RAPGEF5: variants seen among roughly 807,000 people sequenced by gnomAD.
RAPGEF5 encodes the protein M-Ras-regulated GEF.
RAPGEF5 carries 65 observed loss-of-function variants against 125.2 expected under a neutral mutation model. The observed-to-expected ratio is 0.52, with a 90% CI of 0.43 to 0.64. The LOEUF (loss-of-function observed/expected upper bound fraction) is 0.64. Among genes scored for constraint, RAPGEF5 ranks in the 30% least tolerant of loss-of-function variants. The pLI is 0.00. For synonymous variants in RAPGEF5, 391 were observed against 385.9 expected, an observed-to-expected ratio of 1.01 and a Z score of -0.16; for missense variants, 958 against 1,048.1, an observed-to-expected ratio of 0.91 and a Z score of 1.19.
intron 5 of RAPGEF5, among the ~76,000 whole-genome samples, chr7:22,298,217 G>C (rs1583558946): frequency 1.5e-5 from 2 of 137,184 alleles, no homozygotes; most frequent in Non-Finnish European, 3.1e-5. Flanking sequence ...CACTCTTGTT[G>C]CCCAGGCTGG....
chr7:22,195,227 G>C (rs1785119699), intron 9 of RAPGEF5, among the ~76,000 whole-genome samples: 1 of 152,072 alleles, frequency 6.6e-6, no homozygotes, highest in Non-Finnish European at 1.5e-5. Context: ...TTATTAATTG[G>C]TTCTACAGGC....
At chr7:22,351,464 T>C (rs986753406) in intron 1 of RAPGEF5, among the ~76,000 whole-genome samples, 3 of 152,156 alleles carry the variant, frequency 2.0e-5, no homozygotes, top group African/African-American at 7.2e-5. Context: ...CTAAAGTTAA[T>C]TCAGAGCATG....
intron 24 of RAPGEF5, among the ~76,000 whole-genome samples, chr7:22,128,020 T>G (rs982408039): frequency 6.6e-6 from 1 of 152,180 alleles, no homozygotes; most frequent in Non-Finnish European, 1.5e-5. Context: ...TTACCACTTT[T>G]CCCAGGTCAG....
chr7:22,193,806 G>A (rs1263102636), intron 10 of RAPGEF5, 109 bp downstream of exon 10: 2 of 1,610,360 alleles, frequency 1.2e-6, no homozygotes, highest in Non-Finnish European at 1.7e-6. Flanking sequence ...AAGAGAGGGA[G>A]GGAGGGTAGA....
intron 7 of RAPGEF5, among the ~76,000 whole-genome samples, chr7:22,238,026 A>C (rs1038849596): frequency 9.2e-5 from 14 of 152,196 alleles, no homozygotes; most frequent in African/African-American, 3.4e-4. Context: ...GGCATAAACA[A>C]ACGTAAACTG....
chr7:22,168,449 T>C (rs537668029), intron 11 of RAPGEF5, among the ~76,000 whole-genome samples: 4 of 152,336 alleles, frequency 2.6e-5, no homozygotes, highest in East Asian at 1.9e-4. Context: ...TCCCAGGCTA[T>C]GGTATTTTGT....
intron 19 of RAPGEF5, among the ~76,000 whole-genome samples, chr7:22,146,182 G>C (rs571922512): frequency 6.6e-6 from 1 of 152,284 alleles, no homozygotes; most frequent in African/African-American, 2.4e-5. Context: ...AATTGGGCAT[G>C]AGGTTCCTTC....
At chr7:22,252,429 T>C (rs761635111) in intron 7 of RAPGEF5, among the ~76,000 whole-genome samples, 38 of 152,230 alleles carry the variant, frequency 2.5e-4, no homozygotes, top group South Asian at 2.1e-4. Context: ...TCAAAAACCT[T>C]GGATTCTGGA....
chr7:22,356,103 G>T, intron 1 of RAPGEF5: 1 of 985,374 alleles, frequency 1.0e-6, no homozygotes, highest in Non-Finnish European at 1.2e-6. Context: ...AGACCTTCCT[G>T]CTTCTCTTAA....
chr7:22,130,499 C>G (rs752771583), intron 24 of RAPGEF5, among the ~76,000 whole-genome samples: 9 of 152,164 alleles, frequency 5.9e-5, no homozygotes, highest in Non-Finnish European at 1.3e-4. Context: ...GGATGGCACC[C>G]TTTGTCCATA....
intron 1 of RAPGEF5, among the ~76,000 whole-genome samples, chr7:22,346,909 AAC>A (rs1197559383): frequency 1.3e-5 from 2 of 152,222 alleles, no homozygotes; most frequent in Non-Finnish European, 2.9e-5. Context: ...AAAACAGATT[AAC>A]TGAGTCACAG....
intron 23 of RAPGEF5, among the ~76,000 whole-genome samples, chr7:22,133,199 A>G (rs1179509131): frequency 6.6e-6 from 1 of 152,140 alleles, no homozygotes; most frequent in East Asian, 1.9e-4. Context: ...AGGGCCTGTC[A>G]GGCTGGTACT....
intron 7 of RAPGEF5, among the ~76,000 whole-genome samples, chr7:22,258,609 A>G (rs1167511595): frequency 7.2e-6 from 1 of 139,356 alleles, no homozygotes; most frequent in African/African-American, 2.7e-5. Context: ...GGGCAACAAG[A>G]GCGAAACTCC....
intron 9 of RAPGEF5, among the ~76,000 whole-genome samples, chr7:22,214,264 A>G (rs1168756736): frequency 2.0e-5 from 3 of 152,208 alleles, no homozygotes; most frequent in Non-Finnish European, 2.9e-5. Flanking sequence ...GTGAATTAGA[A>G]AAGGGGAAGG....
chr7:22,146,557 A>G (rs1032893498), intron 19 of RAPGEF5, among the ~76,000 whole-genome samples: 6 of 152,192 alleles, frequency 3.9e-5, no homozygotes, highest in Admixed American at 3.3e-4. Flanking sequence ...AACTATCATA[A>G]GCTTCATGGA....
intron 1 of RAPGEF5, among the ~76,000 whole-genome samples, chr7:22,341,936 GC>G (rs556956817): frequency 9.2e-5 from 14 of 152,286 alleles, no homozygotes; most frequent in African/African-American, 2.9e-4. Flanking sequence ...GAGGACAGTG[GC>G]CTTCTTCTCA....
intron 4 of RAPGEF5, among the ~76,000 whole-genome samples, chr7:22,309,075 G>T (rs1783411026): frequency 6.6e-6 from 1 of 152,164 alleles, no homozygotes. Flanking sequence ...TAACCCAAAT[G>T]TCAATACTAC....
intron 11 of RAPGEF5, chr7:22,193,140 A>G (rs1785046397): frequency 1.7e-6 from 1 of 573,786 alleles, no homozygotes; most frequent in South Asian, 2.6e-5. Flanking sequence ...AGCTGCCTTC[A>G]TATCATTTTC....
At chr7:22,260,108 T>G (rs1234442952) in intron 7 of RAPGEF5, among the ~76,000 whole-genome samples, 1 of 151,712 alleles carries the variant, frequency 6.6e-6, no homozygotes, top group Non-Finnish European at 1.5e-5. Flanking sequence ...AAAAAATTAA[T>G]GGTTGTAGTG....
Sources: allele counts gnomAD v4.1 joint callset (sites outside exome capture counted in the v4.1 genomes callset), GRCh38; gene constraint gnomAD v4.1.1; transcripts MANE v1.5; gene names NCBI Gene and HGNC (gene_info 2026-07-23, HGNC 2026-07-21).